Variants in SLC4A4 observed in about 807,000 individuals in gnomAD.
SLC4A4 encodes the protein solute carrier family 4 member 4, also known as electrogenic sodium bicarbonate cotransporter 1.
SLC4A4 carries 27 observed loss-of-function variants against 111.5 expected under a neutral mutation model. That is an observed-to-expected ratio of 0.24 (90% CI 0.18 to 0.33). The LOEUF is 0.33. Ranked by LOEUF, SLC4A4 falls within the 10% of genes least tolerant of loss-of-function variation. The pLI is 1.00. For missense variants in SLC4A4, 909 were observed against 1,315.5 expected (o/e 0.69, Z 4.78); for synonymous variants, 443 against 463.4 (o/e 0.96, Z 0.57).
At chr4:71,175,546 T>C (rs565793261) in intron 2 of SLC4A4, among the ~76,000 whole-genome samples, 1 of 152,352 alleles carries the variant, frequency 6.6e-6, no homozygotes, top group African/African-American at 2.4e-5. Context: ...GCGCGTGGCT[T>C]GGAGGGTCCT....
chr4:71,377,257 A>G (rs143398967), intron 6 of SLC4A4, among the ~76,000 whole-genome samples: 77 of 152,356 alleles, frequency 5.1e-4, no homozygotes, highest in African/African-American at 1.8e-3. Flanking sequence ...ACATAGCAGT[A>G]AATCAATATA....
chr4:71,093,480 T>C (rs570932295), intron 2 of SLC4A4, among the ~76,000 whole-genome samples: 16 of 152,312 alleles, frequency 1.1e-4, no homozygotes, highest in Non-Finnish European at 2.2e-4. Context: ...TTTTACCTCC[T>C]TTCTGTCTTT....
At chr4:71,279,889 G>C (rs1202886230) in intron 3 of SLC4A4, among the ~76,000 whole-genome samples, 1 of 152,062 alleles carries the variant, frequency 6.6e-6, no homozygotes, top group Non-Finnish European at 1.5e-5. Flanking sequence ...TCTGCTTCCC[G>C]GGTTCAAGAG....
In SLC4A4 at chr4:71,453,371, G is replaced by A. The variant is rs1725941203; in HGVS notation, c.1323-124G>A. ...TTCTGGTTTCATCGTAAGTGGTTAA[G>A]TAGTATCTTGTCACTGATTCAAGCA... On this transcript the variant is annotated intron_variant, in intron 11 of 25. Transcript: ENST00000264485. 52 of 966,892 alleles carry A rather than the reference G, an allele frequency of 5.4e-5. 1 individual carries two copies. The South Asian group carries it at 6.6e-4, about 12-fold the overall frequency. 59.9% of individuals were successfully genotyped at this position (966,892 alleles called of 1,614,324 possible). A position where few individuals can be genotyped will look rare whatever the true frequency, so the allele number is the denominator to read the frequency against.
chr4:71,554,622 G>A lies in SLC4A4; in HGVS notation c.2695-518G>A, dbSNP rs1052484645. On this transcript the variant is annotated intron_variant, in intron 20 of 25. Transcript: ENST00000264485. ...AGTTCTCATAATATTTGCAAGAAGC[G>A]AGGGGATAGTCTTTTGATGTTTATT... Among the ~76,000 whole-genome samples the A allele has an allele frequency of 2.1e-4, 32 of 151,830 alleles. 1 individual carries two copies. The highest frequency in any genetic ancestry group is 7.5e-4 in the African/African-American group (31 of 41,496).
intron 2 of SLC4A4, among the ~76,000 whole-genome samples, chr4:71,246,494 C>A (rs1720665376): frequency 1.3e-5 from 2 of 152,112 alleles, no homozygotes; most frequent in African/African-American, 4.8e-5. Context: ...AAAGAGCTTA[C>A]AGAGAGGTGA....
intron 3 of SLC4A4, among the ~76,000 whole-genome samples, chr4:71,301,615 G>A (rs1041390747): frequency 6.6e-6 from 1 of 152,208 alleles, no homozygotes; most frequent in Non-Finnish European, 1.5e-5. Flanking sequence ...AGCTATTCGG[G>A]CTCTTGCATA....
At chr4:71,392,695 G>A (rs971044939) in intron 6 of SLC4A4, among the ~76,000 whole-genome samples, 1 of 152,010 alleles carries the variant, frequency 6.6e-6, no homozygotes, top group African/African-American at 2.4e-5. Flanking sequence ...ACCCAAACCA[G>A]GAAAGGACAT....
At position 71,392,738 on chromosome 4, in the gene SLC4A4, T is replaced by A. The variant is rs368351050; in HGVS notation, c.731-4839T>A. Among the ~76,000 whole-genome samples, 9 of 152,232 alleles carry A rather than the reference T, an allele frequency of 5.9e-5. No individual in the cohort carries two copies. The South Asian group carries it at 1.5e-3, about 25-fold the overall frequency. On this transcript the variant is annotated intron_variant, in intron 6 of 25. Transcript: ENST00000264485. ...AAAGACAACTACAGACTGAAATCTT[T>A]GATGAACATAGATGCCAAAATCCTT...
intron 8 of SLC4A4, among the ~76,000 whole-genome samples, chr4:71,445,568 A>G (rs946297329): frequency 6.6e-6 from 1 of 152,162 alleles, no homozygotes; most frequent in Admixed American, 6.5e-5. Flanking sequence ...GAAGAAATCT[A>G]TTATTTAAAA....
intron 16 of SLC4A4, among the ~76,000 whole-genome samples, chr4:71,531,534 A>G (rs900128619): frequency 6.6e-6 from 1 of 152,088 alleles, no homozygotes; most frequent in Non-Finnish European, 1.5e-5. Flanking sequence ...AAGCCCTCCC[A>G]TGCTAGATTT....
At chr4:71,414,301 C>T (rs543754467) in intron 7 of SLC4A4, among the ~76,000 whole-genome samples, 5 of 152,148 alleles carry the variant, frequency 3.3e-5, no homozygotes, top group Non-Finnish European at 5.9e-5. Context: ...AAGTAGAGGG[C>T]CTAAGGCCTG....
intron 2 of SLC4A4, among the ~76,000 whole-genome samples, chr4:71,142,761 C>A (rs1245387440): frequency 1.3e-5 from 1 of 78,040 alleles, no homozygotes; most frequent in Non-Finnish European, 2.4e-5. Context: ...TTTTCTCACT[C>A]TTTTTTTTTT....
chr4:71,251,204 C>T (rs748810531), intron 2 of SLC4A4, among the ~76,000 whole-genome samples: 56 of 152,174 alleles, frequency 3.7e-4, no homozygotes, highest in Non-Finnish European at 5.1e-4. Flanking sequence ...TTAAATCATC[C>T]TTGGTAGCAA....
At chr4:71,350,625 A>G (rs2148903370) in intron 5 of SLC4A4, among the ~76,000 whole-genome samples, 1 of 152,350 alleles carries the variant, frequency 6.6e-6, no homozygotes, top group Non-Finnish European at 1.5e-5. Flanking sequence ...GTATATGTAC[A>G]TCAGCCAGAC....
At chr4:71,437,191 C>A in intron 7 of SLC4A4, 1 of 421,972 alleles carries the variant, frequency 2.4e-6, no homozygotes, top group Non-Finnish European at 4.6e-6. Context: ...CACAGGAATA[C>A]TTGAGTCCCT....
At chr4:71,358,245 G>T (rs1185120555) in intron 6 of SLC4A4, among the ~76,000 whole-genome samples, 2 of 151,926 alleles carry the variant, frequency 1.3e-5, no homozygotes, top group Non-Finnish European at 2.9e-5. Flanking sequence ...AACCCGGGAG[G>T]GGGAGGTTGC....
At chr4:71,182,714 T>TCACACACA (rs77414889), upstream of SLC4A4, among the ~76,000 whole-genome samples, 7 of 146,338 alleles carry the variant, frequency 4.8e-5, no homozygotes, top group African/African-American at 7.5e-5. Context: ...TATGTACATT[T>TCACACACA]CACACACACA....
At chr4:71,339,632 G>T (rs1486668306) in intron 4 of SLC4A4, 127 bp downstream of exon 4, 1 of 837,770 alleles carries the variant, frequency 1.2e-6, no homozygotes. Context: ...TGTTGGCTGG[G>T]ATAAGGAGTA....
Sources: allele counts gnomAD v4.1 joint callset (sites outside exome capture counted in the v4.1 genomes callset), GRCh38; gene constraint gnomAD v4.1.1; transcripts MANE v1.5; gene names NCBI Gene and HGNC (gene_info 2026-07-23, HGNC 2026-07-21).